ADK: variants seen among roughly 807,000 people sequenced by gnomAD.
ADK encodes adenosine kinase, also known as N6,N6-dimethyladenosine kinase.
In ADK, 24 loss-of-function variants were observed where a neutral mutation model predicts 44.7. The ratio of observed to expected loss-of-function variants is 0.54; its 90% CI spans 0.39 to 0.76. ADK has a LOEUF of 0.76. ADK is among the 30% of genes least tolerant of loss of function. The pLI, the probability that ADK is intolerant of heterozygous loss-of-function variation, is 0.00. For synonymous variants in ADK, 128 were observed against 142.6 expected (o/e 0.90, Z 0.73); for missense variants, 321 against 425.1 (o/e 0.76, Z 2.15).
intron 7 of ADK, chr10:74,529,334 A>G (rs1849190882): frequency 6.6e-6 from 1 of 152,144 alleles, no homozygotes; most frequent in Admixed American, 6.5e-5. Flanking sequence ...GACACATAGT[A>G]GGATAGTGAT....
chr10:74,221,718 A>C (rs866987942), intron 2 of ADK, among the ~76,000 whole-genome samples: 20 of 146,494 alleles, frequency 1.4e-4, no homozygotes, highest in Non-Finnish European at 1.2e-4. Context: ...ATAACGCCGC[A>C]TATCTACAAC....
intron 1 of ADK, among the ~76,000 whole-genome samples, chr10:74,184,858 T>G (rs956124178): frequency 3.3e-5 from 5 of 152,200 alleles, no homozygotes; most frequent in Admixed American, 1.3e-4. Context: ...ATAATGGAAT[T>G]TTGGCCTATT....
intron 9 of ADK, among the ~76,000 whole-genome samples, chr10:74,628,296 C>T (rs1052977067): frequency 6.6e-6 from 1 of 152,076 alleles, no homozygotes; most frequent in Non-Finnish European, 1.5e-5. Context: ...GATCATTTCT[C>T]CTCAGATGAG....
chr10:74,343,908 G>T (rs185441414), intron 4 of ADK, among the ~76,000 whole-genome samples: 1 of 152,256 alleles, frequency 6.6e-6, no homozygotes. Flanking sequence ...ATGCCTGGCT[G>T]CCAGATGCTT....
intron 10 of ADK, among the ~76,000 whole-genome samples, chr10:74,675,040 A>G (rs1361719426): frequency 6.6e-6 from 1 of 152,044 alleles, no homozygotes; most frequent in African/African-American, 2.4e-5. Context: ...GACACATTCT[A>G]TATTTGGATG....
intron 6 of ADK, among the ~76,000 whole-genome samples, chr10:74,428,469 A>G (rs142590312): frequency 6.6e-6 from 1 of 152,352 alleles, no homozygotes; most frequent in Non-Finnish European, 1.5e-5. Context: ...TGAGCATCAA[A>G]TAATTAAATA....
At chr10:74,196,148 A>G (rs1843141302) in intron 1 of ADK, among the ~76,000 whole-genome samples, 1 of 152,078 alleles carries the variant, frequency 6.6e-6, no homozygotes, top group South Asian at 2.1e-4. Flanking sequence ...TACTAGCCAC[A>G]ACTTCTGCAA....
At chr10:74,214,462 A>AT (rs1457575615) in intron 2 of ADK, among the ~76,000 whole-genome samples, 1 of 152,230 alleles carries the variant, frequency 6.6e-6, no homozygotes, top group Non-Finnish European at 1.5e-5. Flanking sequence ...TACTGATTTA[A>AT]TTCTTGGAAG....
chr10:74,427,920 C>T (rs1844859215), intron 6 of ADK, among the ~76,000 whole-genome samples: 1 of 152,056 alleles, frequency 6.6e-6, no homozygotes, highest in Non-Finnish European at 1.5e-5. Flanking sequence ...ATAGTTCAGG[C>T]GGCCAGAGCT....
chr10:74,652,899 C>T (rs1229551828), intron 9 of ADK, among the ~76,000 whole-genome samples: 2 of 152,104 alleles, frequency 1.3e-5, no homozygotes, highest in African/African-American at 2.4e-5. Flanking sequence ...CCATGACTCA[C>T]CATTCAAACT....
chr10:74,631,829 C>T (rs151306245), intron 9 of ADK, among the ~76,000 whole-genome samples: 35 of 152,212 alleles, frequency 2.3e-4, no homozygotes, highest in African/African-American at 8.2e-4. Flanking sequence ...AAAGAAGTGT[C>T]ACTTCCCTGA....
chr10:74,221,473 C>T (rs1395674281), intron 2 of ADK, among the ~76,000 whole-genome samples: 1 of 152,124 alleles, frequency 6.6e-6, no homozygotes, highest in African/African-American at 2.4e-5. Context: ...TTAATGCCAT[C>T]CCCATCAAGC....
At chr10:74,269,531 T>G (rs1215961999) in intron 3 of ADK, among the ~76,000 whole-genome samples, 1 of 152,226 alleles carries the variant, frequency 6.6e-6, no homozygotes, top group Non-Finnish European at 1.5e-5. Context: ...ACCTGGCTGG[T>G]CATTTTATGG....
chr10:74,231,650 G>A (rs1844768296), intron 3 of ADK, among the ~76,000 whole-genome samples: 2 of 152,016 alleles, frequency 1.3e-5, no homozygotes, highest in South Asian at 2.1e-4. Flanking sequence ...ATTTTTTGTT[G>A]AGATGGGGTC....
At chr10:74,604,104 C>T (rs956875150) in intron 9 of ADK, among the ~76,000 whole-genome samples, 4 of 151,658 alleles carry the variant, frequency 2.6e-5, no homozygotes, top group East Asian at 1.9e-4. Flanking sequence ...GTTGTTTGTT[C>T]GTTTTTTGTA....
intron 6 of ADK, among the ~76,000 whole-genome samples, chr10:74,484,268 G>A (rs1847188821): frequency 6.6e-6 from 1 of 152,088 alleles, no homozygotes; most frequent in African/African-American, 2.4e-5. Flanking sequence ...AGAGACAAGA[G>A]GGAGGTGCTA....
intron 6 of ADK, among the ~76,000 whole-genome samples, chr10:74,475,726 AAGAG>A (rs887190538): frequency 6.6e-6 from 1 of 151,714 alleles, no homozygotes; most frequent in African/African-American, 2.4e-5. Context: ...AAGAGAGAGA[AAGAG>A]AGAGCGAAGA....
chr10:74,686,900 T>G (rs1039761816), intron 10 of ADK, among the ~76,000 whole-genome samples: 1 of 151,996 alleles, frequency 6.6e-6, no homozygotes, highest in Non-Finnish European at 1.5e-5. Context: ...ATGGTCTCTA[T>G]ATCCTCACCT....
intron 6 of ADK, among the ~76,000 whole-genome samples, chr10:74,444,761 G>A (rs1845538372): frequency 6.6e-6 from 1 of 151,934 alleles, no homozygotes; most frequent in East Asian, 1.9e-4. Context: ...TGAGTTCAGG[G>A]GTGATGGTCA....
Sources: allele counts gnomAD v4.1 joint callset (sites outside exome capture counted in the v4.1 genomes callset), GRCh38; gene constraint gnomAD v4.1.1; transcripts MANE v1.5; gene names NCBI Gene and HGNC (gene_info 2026-07-23, HGNC 2026-07-21).